Variants in RB1 observed in about 807,000 individuals in gnomAD.
RB1 encodes RB transcriptional corepressor 1, also known as retinoblastoma-associated protein.
A neutral mutation model predicts 135.4 loss-of-function variants in RB1; 18 were observed. The ratio of observed to expected loss-of-function variants is 0.13; its 90% CI spans 0.09 to 0.20. The LOEUF (loss-of-function observed/expected upper bound fraction) is 0.20, where lower values mean the gene tolerates loss of function less well. RB1 is among the 10% of genes least tolerant of loss of function. The pLI is 1.00. For missense variants in RB1, 868 were observed against 1,110.0 expected, an observed-to-expected ratio of 0.78 and a Z score of 3.10; for synonymous variants, 365 against 373.2, an observed-to-expected ratio of 0.98 and a Z score of 0.25.
At chr13:48,439,485 C>T (rs535754674) in intron 17 of RB1, 1 of 152,032 alleles carries the variant, frequency 6.6e-6, no homozygotes, top group Non-Finnish European at 1.5e-5. Flanking sequence ...TGTTAATCTT[C>T]CTTATAGTGC....
Position 48,376,944 on chromosome 13 carries a change from T to C in RB1, c.1242T>C (p.Ser414=), listed in dbSNP as rs755060671. The change falls in exon 13 of 27, where the codon AGT becomes AGC. Residue 414 remains serine (S), a synonymous_variant. Transcript: ENST00000267163. ...FNNCTVNPKE[S]ILKRVKDIGY... ...ACTGCACAGTGAATCCAAAAGAAAGTATACTGAAAAGAGTGAAGGATATAG... is the reference window on the plus strand; with the variant it reads ...ACTGCACAGTGAATCCAAAAGAAAGCATACTGAAAAGAGTGAAGGATATAG... The C allele has an allele frequency of 6.2e-7, 1 of 1,613,742 alleles. No individual in the cohort carries two copies. Among genetic ancestry groups the C allele is most frequent in the East Asian group, 2.2e-5 (1 of 44,796 alleles).
chr13:48,380,023 C>CTTT (rs753535084), intron 14 of RB1, 30 bp from the exon 15 acceptor site: 9 of 770,736 alleles, frequency 1.2e-5, no homozygotes, highest in African/African-American at 1.0e-4. Flanking sequence ...TAAACAACTT[C>CTTT]TTTTTTTTTT....
intron 5 of RB1, 54 bp downstream of exon 5, chr13:48,347,917 A>G (rs2138091927): frequency 1.5e-6 from 2 of 1,343,146 alleles, no homozygotes; most frequent in Middle Eastern, 1.8e-4. Flanking sequence ...TTTTTATGGA[A>G]TAATCTCAAA....
At chr13:48,333,435 C>T (rs1952354155) in intron 2 of RB1, among the ~76,000 whole-genome samples, 1 of 152,108 alleles carries the variant, frequency 6.6e-6, no homozygotes, top group South Asian at 2.1e-4. Context: ...AGTTTTCTTT[C>T]CTATATGGTT....
At chr13:48,392,531 C>T (rs905948704) in intron 17 of RB1, among the ~76,000 whole-genome samples, 1 of 151,874 alleles carries the variant, frequency 6.6e-6, no homozygotes, top group Non-Finnish European at 1.5e-5. Flanking sequence ...ATCTAATCTG[C>T]TATTAATCTC....
In RB1 at chr13:48,463,714, A is replaced by G. The variant is rs775406051; in HGVS notation, c.2107-17A>G. The G allele has an allele frequency of 1.4e-6, 2 of 1,382,074 alleles. No individual in the cohort carries two copies. The highest frequency in any genetic ancestry group is 4.6e-5 in the East Asian group (2 of 43,624). 85.6% of individuals were successfully genotyped at this position (1,382,074 alleles called of 1,614,324 possible). ...GTAATAAAATTCTGACTACTTTTAC[A>G]TCAATTTATTTACTAGATTATGATG... On this transcript the variant is annotated splice_polypyrimidine_tract_variant and intron_variant, in intron 20 of 26. Transcript: ENST00000267163.
At chr13:48,390,589 A>T (rs1338837041) in intron 17 of RB1, among the ~76,000 whole-genome samples, 1 of 152,188 alleles carries the variant, frequency 6.6e-6, no homozygotes, top group Non-Finnish European at 1.5e-5. Flanking sequence ...GCTCACTTAA[A>T]AAAAAACTAA....
At chr13:48,360,241 A>G in intron 7 of RB1, 114 bp downstream of exon 7, 3 of 1,538,042 alleles carry the variant, frequency 2.0e-6, no homozygotes, top group Non-Finnish European at 2.6e-6. Context: ...AATAAATCAG[A>G]CATGGACTTT....
chr13:48,480,363 A>G lies in RB1; in HGVS notation c.*292A>G, dbSNP rs1949531196. On this transcript the variant is annotated 3_prime_UTR_variant, in exon 27 of 27. Transcript: ENST00000267163. ...AAATTGCTGTGCTTTATGGATAGTA[A>G]GAATGGCCCTAGAGTGGGAGTCCTG... 1.5e-5 allele frequency: 7 copies of G among 471,426 alleles called. No individual in the cohort carries two copies. Among genetic ancestry groups the G allele is most frequent in the Non-Finnish European group, 1.9e-5 (5 of 256,928 alleles). The allele number at this position is 471,426 out of a possible 1,614,324, so 29.2% of individuals were successfully genotyped here.
intron 17 of RB1, among the ~76,000 whole-genome samples, chr13:48,417,983 C>T (rs1001250222): frequency 2.0e-5 from 3 of 152,124 alleles, no homozygotes; most frequent in African/African-American, 7.2e-5. Context: ...GAGAATTTCC[C>T]CAACCTAGCA....
In RB1 at chr13:48,342,603, G is replaced by T. The variant is rs554727080; in HGVS notation, c.269G>T (p.Gly90Val). Residue 90 changes from glycine (G) to valine (V), a missense_variant, in exon 3 of 27, where the codon GGT becomes GTT. By Grantham distance (109) the Gly-to-Val change is moderately radical. This residue lies in a region of RB1 where 641 missense variants were observed against 791.3 expected (regional missense o/e 0.81). Transcript: ENST00000267163. ...ATCTTTATTTTTTGTTCCCAGGGAG[G>T]TTATATTCAAAAGAAAAAGGAACTG... ...KVSSVDGVLG[G>V]YIQKKKELWG... The T allele has an allele frequency of 2.5e-6, 4 of 1,584,400 alleles. No individual in the cohort carries two copies. In the Admixed American group the frequency reaches 5.0e-5, roughly 20 times the overall value.
Position 48,480,380 on chromosome 13 carries a change from G to GCTCAC in RB1, c.*309_*310insCTCAC. 1 of 423,520 alleles carries GCTCAC rather than the reference G, an allele frequency of 2.4e-6. No individual in the cohort carries two copies. The highest frequency in any genetic ancestry group is 4.3e-6 in the Non-Finnish European group (1 of 230,240). 26.2% of individuals were successfully genotyped at this position (423,520 alleles called of 1,614,324 possible). ...GGATAGTAAGAATGGCCCTAGAGTG[G>GCTCAC]GAGTCCTGATAACCCAGGCCTGTCT... is the stretch of plus-strand genomic sequence containing the variant. On this transcript the variant is annotated 3_prime_UTR_variant, in exon 27 of 27. Coordinates refer to ENST00000267163, the MANE Select transcript of RB1 (RefSeq NM_000321.3).
intron 11 of RB1, among the ~76,000 whole-genome samples, chr13:48,369,344 TTC>T (rs1379306264): frequency 2.0e-5 from 3 of 152,182 alleles, no homozygotes; most frequent in Non-Finnish European, 4.4e-5. Context: ...CAAGACATTG[TTC>T]TCTTTCTCTT....
chr13:48,409,705 C>T (rs994637973), intron 17 of RB1, among the ~76,000 whole-genome samples: 2 of 150,440 alleles, frequency 1.3e-5, no homozygotes, highest in African/African-American at 2.4e-5. Flanking sequence ...CTCTGCCTCC[C>T]GAGTAGCTGG....
At chr13:48,381,144 T>G in intron 16 of RB1, 103 bp from the exon 17 acceptor site, 2 of 1,449,420 alleles carry the variant, frequency 1.4e-6, no homozygotes, top group Middle Eastern at 2.5e-4. Flanking sequence ...TAAAAATGGT[T>G]TAACCTTTCT....
intron 17 of RB1, among the ~76,000 whole-genome samples, chr13:48,409,856 G>T (rs1227944004): frequency 6.6e-6 from 1 of 152,024 alleles, no homozygotes; most frequent in South Asian, 2.1e-4. Context: ...TAGGATTACA[G>T]GTGTGAACCA....
chr13:48,343,094 A>T (rs1214547350), intron 3 of RB1, among the ~76,000 whole-genome samples: 2 of 152,198 alleles, frequency 1.3e-5, no homozygotes, highest in Non-Finnish European at 2.9e-5. Context: ...AAGATTTATT[A>T]AAGCCTAAGA....
At chr13:48,368,417 C>T (rs2138122794) in intron 10 of RB1, 110 bp from the exon 11 acceptor site, 1 of 1,396,994 alleles carries the variant, frequency 7.2e-7, no homozygotes, top group East Asian at 2.5e-5. Flanking sequence ...ATTGAGTTAT[C>T]ATTTTATATG....
rs752001188 is a variant in RB1, at chr13:48,412,191, G to T, written c.1695+30748G>T. ...ATCTCCAAATGGCCAATTCCGTGTT[G>T]TGAAGTAAAAAATCCTGAAGGGTAA... On this transcript the variant is annotated intron_variant, in intron 17 of 26. Coordinates refer to ENST00000267163, the MANE Select transcript of RB1 (RefSeq NM_000321.3). 6 of 1,613,870 alleles carry T rather than the reference G, an allele frequency of 3.7e-6. No individual in the cohort carries two copies. Among genetic ancestry groups the T allele is most frequent in the Admixed American group, 1.7e-5 (1 of 59,984 alleles).
Sources: gnomAD v4.1 joint callset for allele counts (sites outside exome capture counted in the v4.1 genomes callset) on GRCh38, gnomAD v4.1.1 for gene constraint, gnomAD v4.1.1 regional missense constraint, MANE v1.5 for transcripts, NCBI Gene and HGNC (gene_info 2026-07-23, HGNC 2026-07-21) for gene names.